Variants in CD247 observed in about 807,000 individuals in gnomAD.
The protein encoded by CD247 is CD247 molecule.
A neutral mutation model predicts 30.0 loss-of-function variants in CD247; 13 were observed. The ratio of observed to expected loss-of-function variants is 0.43; its 90% CI spans 0.28 to 0.69. The LOEUF is 0.69. Ranked by LOEUF, CD247 falls within the 30% of genes least tolerant of loss-of-function variation. CD247 has a pLI of 0.16. For missense variants in CD247, 193 were observed against 212.6 expected, an observed-to-expected ratio of 0.91 and a Z score of 0.57; for synonymous variants, 72 against 80.0, an observed-to-expected ratio of 0.90 and a Z score of 0.53.
intron 1 of CD247, among the ~76,000 whole-genome samples, chr1:167,508,646 C>T (rs531641783): frequency 3.3e-5 from 5 of 152,094 alleles, no homozygotes; most frequent in Admixed American, 1.3e-4. Context: ...GGAGAAAAGA[C>T]AAAGATTTCT....
At chr1:167,490,308 C>T (rs1654392422) in intron 1 of CD247, among the ~76,000 whole-genome samples, 1 of 152,194 alleles carries the variant, frequency 6.6e-6, no homozygotes, top group Non-Finnish European at 1.5e-5. Flanking sequence ...ATCTTCCCCT[C>T]TCTATCTCTT....
At chr1:167,438,486 G>T in intron 4 of CD247, 84 bp downstream of exon 4, 1 of 1,060,268 alleles carries the variant, frequency 9.4e-7, no homozygotes, top group Non-Finnish European at 1.5e-6. Context: ...TGGTTGCAGA[G>T]TGAGCTGAGG....
intron 1 of CD247, among the ~76,000 whole-genome samples, chr1:167,509,406 C>T (rs1445513651): frequency 6.8e-6 from 1 of 147,948 alleles, no homozygotes; most frequent in East Asian, 2.0e-4. Flanking sequence ...GAAAAGAAAT[C>T]ATTATCCATC....
At chr1:167,441,217 G>C (rs774842162) in intron 1 of CD247, among the ~76,000 whole-genome samples, 2 of 152,208 alleles carry the variant, frequency 1.3e-5, no homozygotes, top group Non-Finnish European at 2.9e-5. Context: ...TAGGTCAAAT[G>C]ATGGTCAAAT....
intron 1 of CD247, chr1:167,457,432 C>T (rs1345679780): frequency 6.6e-6 from 1 of 152,284 alleles, no homozygotes; most frequent in Non-Finnish European, 1.5e-5. Context: ...GAGCTAGAAT[C>T]TTGCCTCTGT....
intron 1 of CD247, among the ~76,000 whole-genome samples, chr1:167,482,903 C>T (rs759267635): frequency 2.0e-5 from 3 of 148,572 alleles, no homozygotes; most frequent in Non-Finnish European, 4.4e-5. Flanking sequence ...TCTGGGTAAG[C>T]CCTTGTTTGG....
At chr1:167,510,254 T>C (rs957307107) in intron 1 of CD247, among the ~76,000 whole-genome samples, 3 of 152,104 alleles carry the variant, frequency 2.0e-5, no homozygotes, top group African/African-American at 4.8e-5. Flanking sequence ...AGCATACAGG[T>C]GAGCATACAG....
chr1:167,510,402 A>G (rs973698820), intron 1 of CD247, among the ~76,000 whole-genome samples: 2 of 152,294 alleles, frequency 1.3e-5, no homozygotes, highest in South Asian at 4.1e-4. Context: ...GGGTAAATAC[A>G]TGCTGGCGTG....
chr1:167,464,644 A>C (rs1653159699), intron 1 of CD247, among the ~76,000 whole-genome samples: 2 of 152,190 alleles, frequency 1.3e-5, no homozygotes, highest in African/African-American at 4.8e-5. Context: ...CTCCTATTCT[A>C]AAAGTAGAAA....
At chr1:167,504,553 C>T (rs1361500908) in intron 1 of CD247, among the ~76,000 whole-genome samples, 1 of 152,240 alleles carries the variant, frequency 6.6e-6, no homozygotes, top group Non-Finnish European at 1.5e-5. Flanking sequence ...CTCTCCCCAG[C>T]TGGCATAGCC....
At chr1:167,498,513 C>G (rs892051955) in intron 1 of CD247, among the ~76,000 whole-genome samples, 1 of 152,222 alleles carries the variant, frequency 6.6e-6, no homozygotes, top group Non-Finnish European at 1.5e-5. Context: ...GGCCTTTCTA[C>G]CTTTCCATTC....
chr1:167,516,735 G>T (rs1191349958), intron 1 of CD247, among the ~76,000 whole-genome samples: 1 of 152,166 alleles, frequency 6.6e-6, no homozygotes, highest in African/African-American at 2.4e-5. Context: ...GTGGCACTGA[G>T]AAGCAAAAAA....
intron 1 of CD247, among the ~76,000 whole-genome samples, chr1:167,513,496 T>C (rs1473767567): frequency 6.6e-6 from 1 of 152,240 alleles, no homozygotes; most frequent in Non-Finnish European, 1.5e-5. Flanking sequence ...AAATGTTGGC[T>C]ACCTGAAATA....
chr1:167,453,023 T>A (rs1652434645), intron 1 of CD247, among the ~76,000 whole-genome samples: 1 of 91,846 alleles, frequency 1.1e-5, no homozygotes. Flanking sequence ...ATATATATAT[T>A]ATAGATATAT....
intron 1 of CD247, among the ~76,000 whole-genome samples, chr1:167,501,934 A>G (rs568916930): frequency 6.6e-6 from 1 of 152,332 alleles, no homozygotes; most frequent in East Asian, 1.9e-4. Context: ...ATTGCCACTC[A>G]GATTCATTTC....
At chr1:167,453,471 A>G (rs1652469252) in intron 1 of CD247, among the ~76,000 whole-genome samples, 1 of 152,232 alleles carries the variant, frequency 6.6e-6, no homozygotes, top group African/African-American at 2.4e-5. Context: ...CCCTTATGTC[A>G]AAATTCCAGG....
intron 5 of CD247, chr1:167,434,525 CA>C (rs1651433066): frequency 2.8e-6 from 1 of 354,974 alleles, no homozygotes; most frequent in Admixed American, 3.8e-5. Context: ...CTGCCACCTG[CA>C]AGGGTCTCCT....
At chr1:167,512,498 A>G (rs1047814794) in intron 1 of CD247, among the ~76,000 whole-genome samples, 5 of 152,206 alleles carry the variant, frequency 3.3e-5, no homozygotes, top group African/African-American at 1.2e-4. Context: ...GGGATGTTCA[A>G]TCCTCTCATA....
At chr1:167,486,708 C>T (rs947625747) in intron 1 of CD247, among the ~76,000 whole-genome samples, 1 of 152,118 alleles carries the variant, frequency 6.6e-6, no homozygotes, top group Admixed American at 6.5e-5. Context: ...CCCCTGCAAC[C>T]CCCAGGAAAG....
Sources: allele counts gnomAD v4.1 joint callset (sites outside exome capture counted in the v4.1 genomes callset), GRCh38; gene constraint gnomAD v4.1.1; transcripts MANE v1.5; gene names NCBI Gene and HGNC (gene_info 2026-07-23, HGNC 2026-07-21).